The following CNGB1 variants were observed in gnomAD, a reference collection of about 807,000 sequenced individuals.
CNGB1 encodes the protein cyclic nucleotide-gated channel beta-1.
Under a neutral mutation model 151.7 loss-of-function variants are expected in CNGB1, and 126 were observed. The observed-to-expected ratio is 0.83, with a 90% CI of 0.72 to 0.96. The LOEUF is 0.96. Ranked by LOEUF, CNGB1 falls within the 40% of genes least tolerant of loss-of-function variation. The probability of loss-of-function intolerance (pLI) is 0.00; values close to 1 mark genes in which losing one functional copy is unlikely to be tolerated. For missense variants in CNGB1, 1,698 were observed against 1,627.0 expected, an observed-to-expected ratio of 1.04 and a Z score of -0.75; for synonymous variants, 623 against 635.1, an observed-to-expected ratio of 0.98 and a Z score of 0.29.
intron 25 of CNGB1, among the ~76,000 whole-genome samples, chr16:57,909,877 T>C (rs1352439891): frequency 6.6e-6 from 1 of 152,174 alleles, no homozygotes; most frequent in Non-Finnish European, 1.5e-5. Flanking sequence ...CCGTGTAACC[T>C]TGGGAACTCC....
Position 57,901,538 on chromosome 16 carries a change from G to A in CNGB1, c.2882C>T (p.Ala961Val), listed in dbSNP as rs112002818. The A allele has an allele frequency of 0.059, 94,961 of 1,613,996 alleles. 3,242 individuals carry two copies. The highest frequency in any genetic ancestry group is 0.076 in the South Asian group (6,952 of 91,084). The change falls in exon 28 of 33, where the codon GCA (alanine) becomes GTA (valine). Residue 961 changes from alanine to valine, a missense_variant. Coordinates refer to ENST00000251102, the MANE Select transcript of CNGB1 (RefSeq NM_001297.5). The stretch of plus-strand genomic sequence containing the variant: ...CACCAAAAGGTGTACCTGAAAGAGT[G>A]CGACTTTGCTAACGATGTTGTAGTT... ...DVNYNIVSKV[A>V]LFQGCDRQMI...
chr16:57,907,865 C>A (rs1227206793), intron 25 of CNGB1, among the ~76,000 whole-genome samples: 1 of 152,116 alleles, frequency 6.6e-6, no homozygotes, highest in African/African-American at 2.4e-5. Context: ...CTCAGGGACT[C>A]CTCTCCTGCC....
intron 14 of CNGB1, among the ~76,000 whole-genome samples, chr16:57,944,967 A>AC (rs1567389937): frequency 6.9e-6 from 1 of 144,870 alleles, no homozygotes; most frequent in African/African-American, 2.5e-5. Context: ...AAAAAAAAAA[A>AC]AAAAAACAAG....
At chr16:57,961,546 A>G in intron 7 of CNGB1, among the ~76,000 whole-genome samples, 1 of 152,126 alleles carries the variant, frequency 6.6e-6, no homozygotes, top group East Asian at 1.9e-4. Context: ...CTCATCCTAA[A>G]TTGCTTTAGT....
chr16:57,904,077 C>G, intron 26 of CNGB1, 96 bp from the exon 27 acceptor site: 1 of 1,127,152 alleles, frequency 8.9e-7, no homozygotes, highest in Non-Finnish European at 1.3e-6. Context: ...ACACAGACCA[C>G]GGGCATGTGC....
intron 14 of CNGB1, among the ~76,000 whole-genome samples, chr16:57,941,531 G>C (rs1305664307): frequency 6.6e-6 from 1 of 152,204 alleles, no homozygotes; most frequent in East Asian, 1.9e-4. Flanking sequence ...TGCATGAAAA[G>C]TCTCCCCAGA....
At chr16:57,904,706 G>A (rs770730329) in intron 26 of CNGB1, 28 bp downstream of exon 26, 3 of 1,613,602 alleles carry the variant, frequency 1.9e-6, no homozygotes, top group African/African-American at 2.7e-5. Context: ...GTCAGGTGGG[G>A]TGGGAAGCTG....
chr16:57,964,450 C>T (rs1962339131), intron 3 of CNGB1, 37 bp downstream of exon 3: 1 of 1,612,872 alleles, frequency 6.2e-7, no homozygotes, highest in Non-Finnish European at 8.5e-7. Context: ...GCGGGCCCCC[C>T]TGCCATGCCA....
Position 57,960,918 on chromosome 16 carries a change from G to A in CNGB1, c.459-3C>T. 1.9e-6 allele frequency: 3 copies of A among 1,614,112 alleles called. No individual in the cohort carries two copies. Among genetic ancestry groups the A allele is most frequent in the East Asian group, 2.2e-5 (1 of 44,888 alleles). On this transcript the variant is annotated splice_polypyrimidine_tract_variant and splice_region_variant and intron_variant, in intron 7 of 32. Transcript: ENST00000251102. ...ACAGAAGCAGCCGCAGCCCAGGCCT[G>A]CAGAGGGGCCAGTGATCAGCAGAGT...
chr16:57,884,822 C>CA (rs1425306502), intron 32 of CNGB1, among the ~76,000 whole-genome samples: 2 of 152,032 alleles, frequency 1.3e-5, no homozygotes, highest in Admixed American at 6.6e-5. Flanking sequence ...AAGGCCTCTG[C>CA]AAAGGCTGAA....
rs1960498164 is a variant in CNGB1, at chr16:57,904,825, C to CT, written c.2542_2543insA (p.Gly848GlufsTer4). The CT allele has an allele frequency of 1.2e-6, 2 of 1,614,080 alleles. No individual in the cohort carries two copies. Among genetic ancestry groups the CT allele is most frequent in the Non-Finnish European group, 1.7e-6 (2 of 1,180,020 alleles). ...AAAGAGTGTCTTGGGGTCAGGCAGC[C>CT]CCCCGATGGTGATGAGGGTCTTCAC... On this transcript the variant is annotated frameshift_variant, in exon 26 of 33. Coordinates refer to ENST00000251102, the MANE Select transcript of CNGB1 (RefSeq NM_001297.5). LOFTEE classifies it high-confidence loss of function.
intron 9 of CNGB1, 70 bp from the exon 10 acceptor site, chr16:57,960,135 C>T (rs879327349): frequency 2.3e-5 from 35 of 1,528,764 alleles, no homozygotes; most frequent in African/African-American, 5.5e-5. Context: ...CTCAAGGGCA[C>T]GGGGCCAGAT....
chr16:57,950,480 G>C lies in CNGB1; in HGVS notation c.935C>G (p.Pro312Arg), dbSNP rs1206898660. The C allele has an allele frequency of 6.2e-7, 1 of 1,614,094 alleles. No individual in the cohort carries two copies. Among genetic ancestry groups the C allele is most frequent in the African/African-American group, 1.3e-5 (1 of 74,938 alleles). Residue 312 changes from proline to arginine, a missense_variant, in exon 13 of 33, where the codon CCC becomes CGC. Transcript: ENST00000251102. The stretch of plus-strand genomic sequence containing the variant: ...GACATCCTGGTGGGCATCCTCCCAG[G>C]GCGGTTCAACCTCCTCTAGGACAAG... ...PDLVLEEVEP[P>R]WEDAHQDVST...
At chr16:57,904,225 C>G (rs1378875177) in intron 26 of CNGB1, among the ~76,000 whole-genome samples, 1 of 152,060 alleles carries the variant, frequency 6.6e-6, no homozygotes, top group Non-Finnish European at 1.5e-5. Context: ...GGCCTCAGGT[C>G]CCTGGGACCA....
intron 1 of CNGB1, among the ~76,000 whole-genome samples, chr16:57,970,708 C>A (rs979105830): frequency 5.9e-5 from 9 of 152,192 alleles, no homozygotes; most frequent in Non-Finnish European, 8.8e-5. Context: ...ATCTTTCACC[C>A]GTGTCCCTGC....
intron 14 of CNGB1, chr16:57,946,413 T>C (rs1961811465): frequency 6.6e-6 from 1 of 152,442 alleles, no homozygotes; most frequent in Admixed American, 6.6e-5. Context: ...CCAGTCAGGA[T>C]GCCCATGGTG....
At chr16:57,965,674 A>G (rs150008773) in intron 2 of CNGB1, among the ~76,000 whole-genome samples, 46 of 99,784 alleles carry the variant, frequency 4.6e-4, no homozygotes, top group Non-Finnish European at 9.3e-4. Flanking sequence ...TCACAGATGC[A>G]CAAACATGCA....
At chr16:57,887,171 C>G (rs1403169039) in intron 32 of CNGB1, among the ~76,000 whole-genome samples, 1 of 152,250 alleles carries the variant, frequency 6.6e-6, no homozygotes, top group East Asian at 1.9e-4. Flanking sequence ...CAAGTGTGAG[C>G]TACCATGCCT....
intron 12 of CNGB1, among the ~76,000 whole-genome samples, chr16:57,955,836 T>TCTCG (rs1962070415): frequency 6.6e-6 from 1 of 152,176 alleles, no homozygotes. Context: ...CATGGGCATG[T>TCTCG]CTCGCTCAGA....
Sources: allele counts gnomAD v4.1 joint callset (sites outside exome capture counted in the v4.1 genomes callset), GRCh38; gene constraint gnomAD v4.1.1; transcripts MANE v1.5; gene names NCBI Gene and HGNC (gene_info 2026-07-23, HGNC 2026-07-21).